The following TCF4 variants were observed in gnomAD, a reference collection of about 807,000 sequenced individuals.
TCF4 encodes transcription factor 4, also known as SL3-3 enhancer factor 2.
TCF4 carries 3 observed loss-of-function variants against 82.1 expected under a neutral mutation model. The ratio of observed to expected loss-of-function variants is 0.04; its 90% CI spans 0.02 to 0.09. The LOEUF (loss-of-function observed/expected upper bound fraction) is 0.09. Among genes scored for constraint, TCF4 ranks in the 10% least tolerant of loss-of-function variants. TCF4 has a pLI of 1.00. For missense variants in TCF4, 518 were observed against 852.7 expected, an observed-to-expected ratio of 0.61 and a Z score of 4.89; for synonymous variants, 276 against 309.6, an observed-to-expected ratio of 0.89 and a Z score of 1.14.
chr18:55,586,200 G>C lies in TCF4; in HGVS notation c.72+845C>G, dbSNP rs143743309. The C allele has an allele frequency of 5.3e-4, 337 of 639,316 alleles. 5 individuals are homozygous for C. Among genetic ancestry groups the C allele is most frequent in the Middle Eastern group, 2.2e-3 (5 of 2,276 alleles). 39.6% of individuals were successfully genotyped at this position (639,316 alleles called of 1,614,324 possible). ...AGCAGCAGCAGCAGCAGCAGCAGCA[G>C]CAGCAGCAGCAGCAGCAGCAGCAGC... On this transcript the variant is annotated intron_variant, in intron 2 of 19. Coordinates refer to ENST00000354452, the MANE Select transcript of TCF4 (RefSeq NM_001083962.2).
At chr18:55,632,408 A>G (rs2097732477) in intron 1 of TCF4, among the ~76,000 whole-genome samples, 1 of 152,206 alleles carries the variant, frequency 6.6e-6, no homozygotes, top group Admixed American at 6.5e-5. Context: ...ACTGTTATAC[A>G]GGGAATAGAG....
At chr18:55,259,230 A>G (rs1219674917) in intron 13 of TCF4, among the ~76,000 whole-genome samples, 1 of 152,172 alleles carries the variant, frequency 6.6e-6, no homozygotes, top group African/African-American at 2.4e-5. Context: ...TGTTTTTTTA[A>G]TAAGCCACCT....
rs1603458287 is a variant in TCF4 at position 55,422,467 on chromosome 18, G to A, written c.305-18949C>T. ...AGTTTGCCAGAAATTCTCATACTTGGGTCACAAATAAAAGTACTTTCCTAT... is the reference window on the plus strand; with the variant it reads ...AGTTTGCCAGAAATTCTCATACTTGAGTCACAAATAAAAGTACTTTCCTAT... On this transcript the variant is annotated intron_variant, in intron 5 of 19. Transcript: ENST00000354452. 6.1e-6 allele frequency: 6 copies of A among 982,736 alleles called. No homozygotes were observed. The South Asian group carries it at 2.4e-4, about 39-fold the overall frequency. The allele number at this position is 982,736 out of a possible 1,614,324, so 60.9% of individuals were successfully genotyped here.
At chr18:55,302,420 G>A (rs1210406911) in intron 8 of TCF4, 1 of 1,536,362 alleles carries the variant, frequency 6.5e-7, no homozygotes, top group Non-Finnish European at 8.7e-7. Context: ...CCTTACCTCT[G>A]CTTTCCCTTC....
At chr18:55,534,267 T>G (rs2097095882) in intron 3 of TCF4, among the ~76,000 whole-genome samples, 1 of 152,210 alleles carries the variant, frequency 6.6e-6, no homozygotes, top group Non-Finnish European at 1.5e-5. Flanking sequence ...CTGTAATGCT[T>G]AAGACTGGGC....
At chr18:55,529,846 C>T (rs1603619369) in intron 3 of TCF4, among the ~76,000 whole-genome samples, 1 of 152,138 alleles carries the variant, frequency 6.6e-6, no homozygotes. Flanking sequence ...TAGAACATTA[C>T]AAAGCCCTCC....
At chr18:55,488,460 A>AG (rs1414997551) in intron 3 of TCF4, among the ~76,000 whole-genome samples, 32 of 148,560 alleles carry the variant, frequency 2.2e-4, no homozygotes, top group African/African-American at 5.9e-4. Context: ...TGGAGAAGAG[A>AG]GGGAAAAAAA....
chr18:55,371,717 GCC>G (rs1763384808), intron 6 of TCF4, among the ~76,000 whole-genome samples: 1 of 152,056 alleles, frequency 6.6e-6, no homozygotes, highest in Non-Finnish European at 1.5e-5. Flanking sequence ...ACATAGAGAC[GCC>G]TCTCCCCAGG....
intron 3 of TCF4, among the ~76,000 whole-genome samples, chr18:55,562,868 T>C (rs993699790): frequency 1.3e-5 from 2 of 152,180 alleles, no homozygotes; most frequent in Admixed American, 6.5e-5. Context: ...GATAGGTAGA[T>C]AGACAGGCAG....
chr18:55,579,869 T>C (rs2097560444), intron 3 of TCF4, among the ~76,000 whole-genome samples: 5 of 152,046 alleles, frequency 3.3e-5, no homozygotes, highest in Admixed American at 3.3e-4. Flanking sequence ...AAGGAATAAT[T>C]TTAAGCTCAA....
At position 55,227,206 on chromosome 18, in the gene TCF4, C is replaced by T. The variant is rs1004956648; in HGVS notation, c.*829G>A. On this transcript the variant is annotated 3_prime_UTR_variant, in exon 20 of 20. Transcript: ENST00000354452. ...CCCTCTGGAAGCAGAGTTGGCACTA[C>T]AGGTTACGATAACAAACCAGGGAAA... 6.7e-6 allele frequency: 1 copy of T among 149,344 alleles called. No individual in the cohort carries two copies. Among genetic ancestry groups the T allele is most frequent in the Non-Finnish European group, 1.5e-5 (1 of 67,626 alleles). 9.3% of individuals were successfully genotyped at this position (149,344 alleles called of 1,614,324 possible). A position where few individuals can be genotyped will look rare whatever the true frequency, so the allele number is the denominator to read the frequency against.
At chr18:55,562,686 T>A (rs962775429) in intron 3 of TCF4, among the ~76,000 whole-genome samples, 1 of 152,184 alleles carries the variant, frequency 6.6e-6, no homozygotes, top group East Asian at 1.9e-4. Context: ...TATTTCACCT[T>A]CTTGATTTTT....
intron 5 of TCF4, among the ~76,000 whole-genome samples, chr18:55,445,356 AT>A (rs2095507436): frequency 6.6e-6 from 1 of 152,048 alleles, no homozygotes; most frequent in African/African-American, 2.4e-5. Context: ...AATAATTATA[AT>A]TTATAAAGAA....
intron 8 of TCF4, among the ~76,000 whole-genome samples, chr18:55,281,067 T>G (rs1321146202): frequency 6.6e-6 from 1 of 152,192 alleles, no homozygotes; most frequent in Non-Finnish European, 1.5e-5. Context: ...CTTAAGGCAC[T>G]AATGGATACA....
intron 8 of TCF4, among the ~76,000 whole-genome samples, chr18:55,294,838 T>C (rs1044832117): frequency 2.6e-5 from 4 of 152,232 alleles, no homozygotes; most frequent in Non-Finnish European, 5.9e-5. Flanking sequence ...CAGGCTGGTC[T>C]CAAACTCCTG....
At chr18:55,581,118 A>G (rs1018119097) in intron 3 of TCF4, among the ~76,000 whole-genome samples, 1 of 152,016 alleles carries the variant, frequency 6.6e-6, no homozygotes, top group South Asian at 2.1e-4. Context: ...AAAAGTTTTC[A>G]GAAGGCACAT....
intron 3 of TCF4, among the ~76,000 whole-genome samples, chr18:55,479,690 C>A (rs1460543335): frequency 1.3e-5 from 2 of 152,120 alleles, no homozygotes; most frequent in African/African-American, 4.8e-5. Flanking sequence ...CAGACCTGAG[C>A]CATGGAAGAA....
chr18:55,362,683 A>G (rs1245547040), intron 6 of TCF4, among the ~76,000 whole-genome samples: 1 of 152,258 alleles, frequency 6.6e-6, no homozygotes, highest in African/African-American at 2.4e-5. Context: ...ATAACTTTAC[A>G]GAGTTAGAAT....
intron 3 of TCF4, among the ~76,000 whole-genome samples, chr18:55,469,072 A>G (rs2145121652): frequency 6.6e-6 from 1 of 152,304 alleles, no homozygotes; most frequent in Middle Eastern, 3.4e-3. Flanking sequence ...TAGATTTAGT[A>G]ACTCTTCCAT....
Sources: allele counts gnomAD v4.1 joint callset (sites outside exome capture counted in the v4.1 genomes callset), GRCh38; gene constraint gnomAD v4.1.1; transcripts MANE v1.5; gene names NCBI Gene and HGNC (gene_info 2026-07-23, HGNC 2026-07-21).